Variants in PRKCA observed in about 807,000 individuals in gnomAD.
PRKCA encodes the protein protein kinase C alpha.
In PRKCA, 27 loss-of-function variants were observed where a neutral mutation model predicts 87.0. That is an observed-to-expected ratio of 0.31 (90% CI 0.23 to 0.43). The LOEUF (loss-of-function observed/expected upper bound fraction) is 0.43, where lower values mean the gene tolerates loss of function less well. Ranked by LOEUF, PRKCA falls within the 20% of genes least tolerant of loss-of-function variation. The pLI is 1.00. For missense variants in PRKCA, 518 were observed against 852.3 expected (o/e 0.61, Z 4.88); for synonymous variants, 329 against 311.1 (o/e 1.06, Z -0.61).
intron 3 of PRKCA, among the ~76,000 whole-genome samples, chr17:66,570,180 ATC>A (rs1232764192): frequency 6.6e-6 from 1 of 152,256 alleles, no homozygotes; most frequent in Non-Finnish European, 1.5e-5. Context: ...GGCAACACTC[ATC>A]TCTAGTGCCT....
At chr17:66,404,506 T>C (rs931921222) in intron 2 of PRKCA, among the ~76,000 whole-genome samples, 2 of 152,208 alleles carry the variant, frequency 1.3e-5, no homozygotes, top group African/African-American at 2.4e-5. Context: ...TACTTATTTT[T>C]GGCAGATTAC....
In PRKCA at chr17:66,695,340, C is replaced by G. The variant is rs545405570; in HGVS notation, c.918+6293C>G. Among the ~76,000 whole-genome samples, 3 of 152,318 alleles carry G rather than the reference C, an allele frequency of 2.0e-5. No individual in the cohort carries two copies. In the South Asian group the frequency reaches 6.2e-4, roughly 32 times the overall value. On this transcript the variant is annotated intron_variant, in intron 8 of 16. Coordinates refer to ENST00000413366, the MANE Select transcript of PRKCA (RefSeq NM_002737.3). Reference sequence around the variant, plus strand: ...TTCAGATTTCACAAAACGAAACATACGTTTGCTCATTTTGCTCCAGTATCA... The same window carrying G: ...TTCAGATTTCACAAAACGAAACATAGGTTTGCTCATTTTGCTCCAGTATCA...
chr17:66,746,654 C>T (rs964629487), intron 13 of PRKCA, among the ~76,000 whole-genome samples: 37 of 152,090 alleles, frequency 2.4e-4, no homozygotes, highest in Non-Finnish European at 4.6e-4. Flanking sequence ...CCTTAGGCAG[C>T]GAAGCCGAGC....
chr17:66,390,128 A>G (rs998614246), intron 2 of PRKCA, among the ~76,000 whole-genome samples: 1 of 152,234 alleles, frequency 6.6e-6, no homozygotes, highest in Non-Finnish European at 1.5e-5. Context: ...AGGCTGAGGC[A>G]GGAGAATCGC....
In PRKCA at chr17:66,595,640, T is replaced by G. The variant is rs191392954; in HGVS notation, c.289-45715T>G. 6.6e-3 allele frequency among the ~76,000 whole-genome samples: 1,010 copies of G among 152,092 alleles called. 39 individuals carry two copies. Among genetic ancestry groups the G allele is most frequent in the Admixed American group, 0.058 (888 of 15,264 alleles). ...AAGCCCAGCCAATTTTTTTTGTATC[T>G]TTGGTAGAGACAGGGTTTCACCATG... On this transcript the variant is annotated intron_variant, in intron 3 of 16. Transcript: ENST00000413366.
intron 3 of PRKCA, among the ~76,000 whole-genome samples, chr17:66,620,012 G>A (rs1240095738): frequency 1.3e-5 from 2 of 152,150 alleles, no homozygotes; most frequent in South Asian, 2.1e-4. Context: ...CAGCCACACC[G>A]TCACATGTTC....
intron 3 of PRKCA, among the ~76,000 whole-genome samples, chr17:66,628,815 G>A (rs1017038123): frequency 6.6e-6 from 1 of 152,150 alleles, no homozygotes; most frequent in African/African-American, 2.4e-5. Context: ...ATCACCTTAG[G>A]TCAGGAGTTC....
At chr17:66,681,286 G>C (rs1972485453) in intron 5 of PRKCA, among the ~76,000 whole-genome samples, 1 of 152,170 alleles carries the variant, frequency 6.6e-6, no homozygotes, top group African/African-American at 2.4e-5. Context: ...TGATCTGTTG[G>C]ATCAGTGGAT....
chr17:66,643,762 A>G (rs1971374835), intron 4 of PRKCA, among the ~76,000 whole-genome samples: 2 of 152,202 alleles, frequency 1.3e-5, no homozygotes, highest in African/African-American at 4.8e-5. Context: ...TAACTTCTGC[A>G]GAGAAGAAGC....
At chr17:66,701,007 CAAG>C (rs1973046797) in intron 8 of PRKCA, among the ~76,000 whole-genome samples, 2 of 152,146 alleles carry the variant, frequency 1.3e-5, no homozygotes, top group East Asian at 1.9e-4. Flanking sequence ...TAATATGGAG[CAAG>C]AAGGACGGAG....
intron 8 of PRKCA, among the ~76,000 whole-genome samples, chr17:66,724,057 C>A (rs1221403063): frequency 6.6e-6 from 1 of 152,160 alleles, no homozygotes; most frequent in Admixed American, 6.5e-5. Flanking sequence ...TAAATGTGCA[C>A]AGGACCCACC....
intron 3 of PRKCA, among the ~76,000 whole-genome samples, chr17:66,640,655 G>A (rs913827561): frequency 6.6e-6 from 1 of 152,182 alleles, no homozygotes; most frequent in Non-Finnish European, 1.5e-5. Context: ...GGGTTGTTCC[G>A]TTCACTTCAC....
intron 3 of PRKCA, among the ~76,000 whole-genome samples, chr17:66,629,283 C>T (rs1263033992): frequency 6.6e-6 from 1 of 152,074 alleles, no homozygotes; most frequent in African/African-American, 2.4e-5. Context: ...AAAAATCAGC[C>T]CTCTTGCAAA....
At chr17:66,681,157 A>T (rs1198370517) in intron 5 of PRKCA, among the ~76,000 whole-genome samples, 1 of 152,084 alleles carries the variant, frequency 6.6e-6, no homozygotes, top group Non-Finnish European at 1.5e-5. Flanking sequence ...TGAACCCGGG[A>T]GGCGGAAGTT....
intron 2 of PRKCA, among the ~76,000 whole-genome samples, chr17:66,432,438 C>T (rs1461746717): frequency 2.0e-5 from 3 of 152,148 alleles, no homozygotes; most frequent in Admixed American, 2.0e-4. Flanking sequence ...TTGATGTTTT[C>T]TCAGACAAAG....
In PRKCA at chr17:66,810,106, A is replaced by G. The variant is rs1055155682; in HGVS notation, c.*6069A>G. The G allele has an allele frequency of 2.6e-5, 4 of 152,242 alleles. No homozygotes were observed. Among genetic ancestry groups the G allele is most frequent in the Non-Finnish European group, 4.4e-5 (3 of 68,034 alleles). The allele number at this position is 152,242 out of a possible 1,614,324, so 9.4% of individuals were successfully genotyped here. On this transcript the variant is annotated 3_prime_UTR_variant, in exon 17 of 17. Transcript: ENST00000413366. ...TTTTCAGAAAATAGGTGTCAAGTCC[A>G]CTTTATAAGAACCTTTTTTTCTAAA...
chr17:66,546,940 A>G (rs1968162326), intron 3 of PRKCA, among the ~76,000 whole-genome samples: 2 of 152,090 alleles, frequency 1.3e-5, no homozygotes, highest in African/African-American at 4.8e-5. Flanking sequence ...ATTTCCCCTC[A>G]TTTTGCCAAG....
At chr17:66,347,431 T>C (rs759367957) in intron 2 of PRKCA, among the ~76,000 whole-genome samples, 1 of 152,216 alleles carries the variant, frequency 6.6e-6, no homozygotes, top group Non-Finnish European at 1.5e-5. Flanking sequence ...TTGATACTTT[T>C]GATAGTGGTC....
chr17:66,373,956 T>A (rs1909257499), intron 2 of PRKCA, among the ~76,000 whole-genome samples: 1 of 152,154 alleles, frequency 6.6e-6, no homozygotes, highest in Non-Finnish European at 1.5e-5. Context: ...GCTACTTTAT[T>A]TCCAGAAGTG....
Sources: gnomAD v4.1 joint callset for allele counts (sites outside exome capture counted in the v4.1 genomes callset) on GRCh38, gnomAD v4.1.1 for gene constraint, MANE v1.5 for transcripts, NCBI Gene and HGNC (gene_info 2026-07-23, HGNC 2026-07-21) for gene names.